Variants in ADGRA3 observed in about 807,000 individuals in gnomAD.
The protein encoded by ADGRA3 is G-protein coupled receptor 125.
A neutral mutation model predicts 119.8 loss-of-function variants in ADGRA3; 56 were observed. The observed-to-expected ratio is 0.47, with a 90% CI of 0.38 to 0.58. ADGRA3 has a LOEUF of 0.58. Among genes scored for constraint, ADGRA3 ranks in the 20% least tolerant of loss-of-function variants. The pLI, the probability that ADGRA3 is intolerant of heterozygous loss-of-function variation, is 0.00. For missense variants in ADGRA3, 1,516 were observed against 1,649.0 expected, an observed-to-expected ratio of 0.92 and a Z score of 1.40; for synonymous variants, 607 against 623.8, an observed-to-expected ratio of 0.97 and a Z score of 0.40.
intron 14 of ADGRA3, among the ~76,000 whole-genome samples, chr4:22,409,205 C>T (rs1715084576): frequency 6.6e-6 from 1 of 152,150 alleles, no homozygotes; most frequent in African/African-American, 2.4e-5. Flanking sequence ...GCACTTTGCT[C>T]AATACCTCAA....
Position 22,514,273 on chromosome 4 carries a change from T to C in ADGRA3, c.257+1255A>G, listed in dbSNP as rs564277381. 8.7e-5 allele frequency among the ~76,000 whole-genome samples: 13 copies of C among 149,556 alleles called. No individual in the cohort carries two copies. The South Asian group carries it at 2.7e-3, about 31-fold the overall frequency. ...AGAATCTGACTAAGAAATAAATAAA[T>C]ATAACTGCTGCCACCACCACATGGT... On this transcript the variant is annotated intron_variant, in intron 1 of 18. Transcript: ENST00000334304.
At position 22,413,212 on chromosome 4, in the gene ADGRA3, G is replaced by A. The variant is rs767075863; in HGVS notation, c.2202C>T (p.Cys734=). 6.2e-7 allele frequency: 1 copy of A among 1,613,638 alleles called. No individual in the cohort carries two copies. Residue 734 remains cysteine, a synonymous_variant, in exon 14 of 19, where the codon TGC becomes TGT. Coordinates refer to ENST00000334304, the MANE Select transcript of ADGRA3 (RefSeq NM_145290.4). ...AAACTGCATAGTTACTAAGGGAGTA[G>A]CACTGAATCGTAGTGATATTTTCAT... is the stretch of plus-strand genomic sequence containing the variant. ...YSDENITTIQ[C]YSLSNYAVLM...
In ADGRA3 at chr4:22,388,297, C is replaced by T. The variant is rs1212578761; in HGVS notation, c.3374G>A (p.Cys1125Tyr). ...LTNLQAAAAQ[C>Y]HANSLPLNST... ...GTTCAAAGGTAAAGAATTGGCATGG[C>T]ACTGAGCTGCAGCCGCCTGCAAGTT... The change falls in exon 19 of 19, where the codon TGC (cysteine) becomes TAC (tyrosine). Residue 1125 changes from cysteine (C) to tyrosine (Y), a missense_variant. Physicochemically the swap from Cys to Tyr is radical, Grantham distance 194. Coordinates refer to ENST00000334304, the MANE Select transcript of ADGRA3 (RefSeq NM_145290.4). 1 of 1,614,072 alleles carries T rather than the reference C, an allele frequency of 6.2e-7. No individual in the cohort carries two copies. Among genetic ancestry groups the T allele is most frequent in the Admixed American group, 1.7e-5 (1 of 60,008 alleles).
chr4:22,401,694 G>GAC (rs10563657), intron 15 of ADGRA3, 140 bp from the exon 16 acceptor site: 26 of 475,194 alleles, frequency 5.5e-5, no homozygotes, highest in Admixed American at 3.4e-4. Context: ...TATACTACCA[G>GAC]ACACACACAC....
intron 1 of ADGRA3, among the ~76,000 whole-genome samples, chr4:22,479,185 T>C (rs184144732): frequency 2.6e-5 from 4 of 152,166 alleles, no homozygotes; most frequent in Non-Finnish European, 5.9e-5. Context: ...AGTCAGGGGC[T>C]GGGCACGGTG....
intron 2 of ADGRA3, among the ~76,000 whole-genome samples, chr4:22,463,104 G>A (rs550210663): frequency 6.6e-6 from 1 of 152,198 alleles, no homozygotes. Context: ...TCCCAGGGAA[G>A]CTGAAGCCAT....
chr4:22,459,238 C>T (rs1034209107), intron 3 of ADGRA3, among the ~76,000 whole-genome samples: 53 of 152,110 alleles, frequency 3.5e-4, no homozygotes, highest in Admixed American at 3.9e-4. Flanking sequence ...AAATACTGCA[C>T]GTTCTCACTT....
intron 6 of ADGRA3, among the ~76,000 whole-genome samples, chr4:22,444,173 C>T (rs1716737910): frequency 6.6e-6 from 1 of 152,148 alleles, no homozygotes; most frequent in Non-Finnish European, 1.5e-5. Context: ...AACCAATCCC[C>T]TATTTTTGAG....
intron 2 of ADGRA3, 56 bp downstream of exon 2, chr4:22,473,716 A>T: frequency 1.0e-6 from 1 of 976,064 alleles, no homozygotes; most frequent in Non-Finnish European, 1.5e-6. Flanking sequence ...ATGAAGATTT[A>T]CAATGAAAAT....
intron 1 of ADGRA3, among the ~76,000 whole-genome samples, chr4:22,476,387 CAA>C (rs1232784162): frequency 6.6e-6 from 1 of 152,096 alleles, no homozygotes; most frequent in Non-Finnish European, 1.5e-5. Flanking sequence ...CGGAAACTCC[CAA>C]AGAGGTCAGT....
chr4:22,469,900 G>A (rs1717795487), intron 2 of ADGRA3, among the ~76,000 whole-genome samples: 1 of 152,106 alleles, frequency 6.6e-6, no homozygotes, highest in Non-Finnish European at 1.5e-5. Context: ...CACAGTGCTG[G>A]CACTCCCAAA....
chr4:22,498,322 A>G (rs1718918893), intron 1 of ADGRA3, among the ~76,000 whole-genome samples: 1 of 152,086 alleles, frequency 6.6e-6, no homozygotes, highest in Non-Finnish European at 1.5e-5. Context: ...ACAAAAAAAG[A>G]AAACCAGTTA....
chr4:22,450,062 T>G (rs531889964), intron 4 of ADGRA3, among the ~76,000 whole-genome samples: 2 of 152,152 alleles, frequency 1.3e-5, no homozygotes, highest in South Asian at 4.1e-4. Flanking sequence ...TTAGCTTGGA[T>G]TTGGGGGGAC....
At chr4:22,456,362 T>C (rs1210919019) in intron 3 of ADGRA3, among the ~76,000 whole-genome samples, 1 of 152,088 alleles carries the variant, frequency 6.6e-6, no homozygotes, top group Non-Finnish European at 1.5e-5. Context: ...GGACCTGCCC[T>C]CAGTATGGGT....
intron 2 of ADGRA3, among the ~76,000 whole-genome samples, chr4:22,465,341 C>G (rs1717615747): frequency 6.6e-6 from 1 of 152,166 alleles, no homozygotes; most frequent in Non-Finnish European, 1.5e-5. Context: ...TTCAAATACT[C>G]TGGTCTTAGC....
At chr4:22,420,629 T>C in intron 12 of ADGRA3, 2 of 550,516 alleles carry the variant, frequency 3.6e-6, no homozygotes, top group Non-Finnish European at 6.4e-6. Context: ...TTTGCATTTA[T>C]ACCACTGCAG....
rs11938967 is a variant in ADGRA3, at chr4:22,436,684, C to A, written c.1086-43G>T. ...ATAGTACAAGAAAATCTAAATGACACGGGTACATCAAGAATAACAACAGCA... is the reference window on the plus strand; with the variant it reads ...ATAGTACAAGAAAATCTAAATGACAAGGGTACATCAAGAATAACAACAGCA... On this transcript the variant is annotated intron_variant, in intron 8 of 18. Transcript: ENST00000334304. 1,733 of 1,508,478 alleles carry A rather than the reference C, an allele frequency of 1.1e-3. 16 individuals are homozygous for A. The African/African-American group carries it at 0.02, about 18-fold the overall frequency. 93.4% of individuals were successfully genotyped at this position (1,508,478 alleles called of 1,614,324 possible). A position where few individuals can be genotyped will look rare whatever the true frequency, so the allele number is the denominator to read the frequency against.
At chr4:22,427,255 G>A (rs888222564) in intron 10 of ADGRA3, among the ~76,000 whole-genome samples, 17 of 152,124 alleles carry the variant, frequency 1.1e-4, no homozygotes, top group Non-Finnish European at 2.1e-4. Flanking sequence ...TATAGGCAGT[G>A]CTTACAGATT....
intron 1 of ADGRA3, among the ~76,000 whole-genome samples, chr4:22,499,420 T>C (rs6448161): frequency 4.6e-5 from 7 of 152,094 alleles, no homozygotes; most frequent in Non-Finnish European, 1.0e-4. Context: ...GCAAAACCAA[T>C]GCGAATCCCC....
Sources: gnomAD v4.1 joint callset for allele counts (sites outside exome capture counted in the v4.1 genomes callset) on GRCh38, gnomAD v4.1.1 for gene constraint, MANE v1.5 for transcripts, NCBI Gene and HGNC (gene_info 2026-07-23, HGNC 2026-07-21) for gene names.